Variants in DAB1 observed in about 807,000 individuals in gnomAD.
The protein encoded by DAB1 is disabled homolog 1.
DAB1 carries 15 observed loss-of-function variants against 64.6 expected under a neutral mutation model. The observed-to-expected ratio is 0.23, with a 90% CI of 0.16 to 0.36. DAB1 has a LOEUF of 0.36. DAB1 is among the 10% of genes least tolerant of loss of function. The probability of loss-of-function intolerance (pLI) is 1.00; values close to 1 mark genes in which losing one functional copy is unlikely to be tolerated. For missense variants in DAB1, 596 were observed against 706.7 expected (o/e 0.84, Z 1.78); for synonymous variants, 235 against 251.9 (o/e 0.93, Z 0.64).
intron 4 of DAB1, among the ~76,000 whole-genome samples, chr1:58,264,159 T>C (rs1442431193): frequency 6.6e-6 from 1 of 152,234 alleles, no homozygotes. Flanking sequence ...TATCTTTAAA[T>C]GAGGATACCT....
chr1:58,525,465 T>C (rs1040292041), intron 2 of DAB1, among the ~76,000 whole-genome samples: 1 of 152,102 alleles, frequency 6.6e-6, no homozygotes, highest in Non-Finnish European at 1.5e-5. Context: ...ACTTTAAAAA[T>C]GACACTATTT....
At chr1:57,759,647 G>T (rs536192834) in intron 6 of DAB1, among the ~76,000 whole-genome samples, 1 of 152,148 alleles carries the variant, frequency 6.6e-6, no homozygotes, top group Non-Finnish European at 1.5e-5. Flanking sequence ...TGCCACTGAG[G>T]TGGTTTTCAG....
chr1:57,406,346 C>T (rs1302828115), intron 1 of DAB1, among the ~76,000 whole-genome samples: 3 of 152,158 alleles, frequency 2.0e-5, no homozygotes, highest in South Asian at 2.1e-4. Flanking sequence ...TTTTTTACTT[C>T]GACAAATATC....
intron 4 of DAB1, among the ~76,000 whole-genome samples, chr1:58,289,157 C>G (rs1437648637): frequency 6.6e-6 from 1 of 152,136 alleles, no homozygotes; most frequent in East Asian, 1.9e-4. Flanking sequence ...ACCCCTTTTT[C>G]TTTCCAACTA....
intron 2 of DAB1, among the ~76,000 whole-genome samples, chr1:58,513,107 C>A (rs139319567): frequency 7.9e-5 from 12 of 152,192 alleles, no homozygotes; most frequent in Admixed American, 2.0e-4. Context: ...CCCCATGTGT[C>A]GAGGGAGGGA....
At chr1:57,779,198 G>T (rs1369649999) in intron 6 of DAB1, among the ~76,000 whole-genome samples, 1 of 152,216 alleles carries the variant, frequency 6.6e-6, no homozygotes, top group African/African-American at 2.4e-5. Context: ...GGGGTTAACA[G>T]TTGAGCTAAG....
chr1:58,265,014 C>G (rs1661128793), intron 4 of DAB1, among the ~76,000 whole-genome samples: 2 of 152,244 alleles, frequency 1.3e-5, no homozygotes, highest in Non-Finnish European at 2.9e-5. Context: ...ATAACAATTT[C>G]AAATGAATAT....
At chr1:57,538,620 G>A (rs1229559237) in intron 7 of DAB1, among the ~76,000 whole-genome samples, 1 of 152,138 alleles carries the variant, frequency 6.6e-6, no homozygotes, top group Non-Finnish European at 1.5e-5. Flanking sequence ...TCTACCTTGA[G>A]CCCAAGTCCT....
chr1:58,460,876 C>G (rs1384000409), intron 3 of DAB1, among the ~76,000 whole-genome samples: 1 of 152,158 alleles, frequency 6.6e-6, no homozygotes, highest in Admixed American at 6.5e-5. Context: ...GTCAGAGATC[C>G]TGGAGAAAGT....
chr1:58,500,459 G>A (rs771915121), intron 3 of DAB1, among the ~76,000 whole-genome samples: 38 of 152,156 alleles, frequency 2.5e-4, no homozygotes, highest in African/African-American at 5.3e-4. Context: ...AATTATAAAC[G>A]TGTAAGAATG....
chr1:58,213,179 A>G (rs1658646029), intron 4 of DAB1, among the ~76,000 whole-genome samples: 1 of 152,198 alleles, frequency 6.6e-6, no homozygotes, highest in East Asian at 1.9e-4. Flanking sequence ...GAAAGTGAAG[A>G]GTTATATGGC....
intron 3 of DAB1, among the ~76,000 whole-genome samples, chr1:58,490,440 T>C (rs1284747775): frequency 6.6e-6 from 1 of 152,188 alleles, no homozygotes; most frequent in Non-Finnish European, 1.5e-5. Flanking sequence ...TATGGGACTA[T>C]GTGAAAAGAC....
At chr1:57,273,016 T>C (rs1231604617) in intron 2 of DAB1, among the ~76,000 whole-genome samples, 2 of 152,158 alleles carry the variant, frequency 1.3e-5, no homozygotes, top group Admixed American at 6.5e-5. Flanking sequence ...AAGGTCAAAA[T>C]GTTCTGGAAA....
At chr1:58,487,894 A>G (rs948305139) in intron 3 of DAB1, among the ~76,000 whole-genome samples, 4 of 151,768 alleles carry the variant, frequency 2.6e-5, no homozygotes, top group Admixed American at 1.3e-4. Context: ...GTTTTCTTGC[A>G]TGTTACCGTA....
chr1:58,054,861 G>A (rs1177625711), intron 5 of DAB1, among the ~76,000 whole-genome samples: 2 of 152,198 alleles, frequency 1.3e-5, no homozygotes, highest in East Asian at 1.9e-4. Flanking sequence ...AGGAGAGGAC[G>A]AAGATGAGAT....
intron 7 of DAB1, among the ~76,000 whole-genome samples, chr1:57,583,938 T>C (rs1645347319): frequency 1.3e-5 from 2 of 152,220 alleles, no homozygotes; most frequent in African/African-American, 4.8e-5. Context: ...TCTCTAGATC[T>C]GCTATAGAAT....
chr1:58,424,379 C>T (rs1156927704), intron 3 of DAB1, among the ~76,000 whole-genome samples: 1 of 152,170 alleles, frequency 6.6e-6, no homozygotes, highest in Non-Finnish European at 1.5e-5. Flanking sequence ...CCCATAAACA[C>T]AACCAGTTAT....
At chr1:57,956,228 G>A (rs7537501) in intron 5 of DAB1, among the ~76,000 whole-genome samples, 5 of 152,152 alleles carry the variant, frequency 3.3e-5, no homozygotes, top group African/African-American at 1.2e-4. Flanking sequence ...CTCAAGGAGA[G>A]ACTAATTATA....
intron 6 of DAB1, among the ~76,000 whole-genome samples, chr1:57,816,581 C>T (rs1253189973): frequency 1.3e-5 from 2 of 152,172 alleles, no homozygotes; most frequent in Non-Finnish European, 2.9e-5. Context: ...CTCCCATAGA[C>T]TTTGCTGAGA....
Sources: allele counts gnomAD v4.1 joint callset (sites outside exome capture counted in the v4.1 genomes callset), GRCh38; gene constraint gnomAD v4.1.1; transcripts MANE v1.5; gene names NCBI Gene and HGNC (gene_info 2026-07-23, HGNC 2026-07-21).